The following MASP1 variants were observed in gnomAD, a reference collection of about 807,000 sequenced individuals.
MASP1 encodes MBL associated serine protease 1, also known as mannan-binding lectin serine protease 1.
Under a neutral mutation model 77.1 loss-of-function variants are expected in MASP1, and 59 were observed. The ratio of observed to expected loss-of-function variants is 0.77; its 90% confidence interval spans 0.62 to 0.95. The LOEUF (loss-of-function observed/expected upper bound fraction) is 0.95, where lower values mean the gene tolerates loss of function less well. MASP1 is among the 40% of genes least tolerant of loss of function. MASP1 has a pLI of 0.00. For missense variants in MASP1, 885 were observed against 912.9 expected (o/e 0.97, Z 0.39); for synonymous variants, 362 against 354.5 (o/e 1.02, Z -0.24).
chr3:187,217,695 G>A (rs1711844252), exon 16 of MASP1: 3 of 152,286 alleles, frequency 2.0e-5, no homozygotes, highest in Non-Finnish European at 1.5e-5. Flanking sequence ...TGAGAGATCT[G>A]GGTTTCTTGG....
intron 4 of MASP1, among the ~76,000 whole-genome samples, chr3:187,257,254 C>G (rs569986974): frequency 2.0e-5 from 3 of 152,286 alleles, no homozygotes; most frequent in East Asian, 1.9e-4. Flanking sequence ...CCTACAGGCC[C>G]TTGACACACA....
chr3:187,220,936 G>A (rs970913803), intron 15 of MASP1: 2 of 956,470 alleles, frequency 2.1e-6, no homozygotes, highest in Non-Finnish European at 3.4e-6. Flanking sequence ...CCCCCACACT[G>A]CCAGCCCACC....
intron 2 of MASP1, among the ~76,000 whole-genome samples, chr3:187,266,362 C>G (rs16861808): frequency 0.023 from 3,473 of 152,208 alleles, 64 homozygotes; most frequent in Non-Finnish European, 0.034. Flanking sequence ...GAATGTGACA[C>G]TTGGTAGAAG....
Position 187,246,239 on chromosome 3 carries a change from A to T in MASP1, c.1091-2618T>A, listed in dbSNP as rs1261274772. ...GGAACTCTTCACTCATGTTTCTTTG[A>T]TGGAATATATCTAATGTTGTCTGCA... On this transcript the variant is annotated intron_variant, in intron 8 of 10. Transcript: ENST00000296280. The T allele has an allele frequency of 1.9e-5, 6 of 316,558 alleles. No individual in the cohort carries two copies. In the East Asian group the frequency reaches 1.0e-3, roughly 55 times the overall value. 19.6% of individuals were successfully genotyped at this position (316,558 alleles called of 1,614,324 possible).
At chr3:187,255,286 C>T (rs756076647) in intron 5 of MASP1, among the ~76,000 whole-genome samples, 3 of 152,088 alleles carry the variant, frequency 2.0e-5, no homozygotes, top group Non-Finnish European at 2.9e-5. Context: ...TATCTGAGCG[C>T]AACTTCTAGA....
At position 187,234,948 on chromosome 3, in the gene MASP1, A is replaced by G. The variant is rs555315784; in HGVS notation, c.*736T>C. The G allele has an allele frequency of 2.8e-5, 36 of 1,287,246 alleles. No individual in the cohort carries two copies. In the South Asian group the frequency reaches 4.1e-4, roughly 15 times the overall value. 79.7% of individuals were successfully genotyped at this position (1,287,246 alleles called of 1,614,324 possible). A position where few individuals can be genotyped will look rare whatever the true frequency, so the allele number is the denominator to read the frequency against. On this transcript the variant is annotated 3_prime_UTR_variant, in exon 11 of 11. Coordinates refer to ENST00000296280, the MANE Select transcript of MASP1 (RefSeq NM_139125.4). Reference sequence around the variant, plus strand: ...GGCCCAAATGTGTTCTGAGTTGACAATGGGAATTTAAGGGCTTGGTGGGCC... The same window carrying G: ...GGCCCAAATGTGTTCTGAGTTGACAGTGGGAATTTAAGGGCTTGGTGGGCC...
Position 187,235,029 on chromosome 3 carries a change from G to A in MASP1, c.*655C>T. 1 of 1,287,244 alleles carries A rather than the reference G, an allele frequency of 7.8e-7. No homozygotes were observed. Among genetic ancestry groups the A allele is most frequent in the South Asian group, 1.2e-5 (1 of 80,936 alleles). The allele number at this position is 1,287,244 out of a possible 1,614,324, so 79.7% of individuals were successfully genotyped here. A position where few individuals can be genotyped will look rare whatever the true frequency, so the allele number is the denominator to read the frequency against. ...CACAAACCTTCCCAACTTTCTCCAT[G>A]TCTTTTGAAATTCCTTTAATGGGGA... On this transcript the variant is annotated 3_prime_UTR_variant, in exon 11 of 11. Coordinates refer to ENST00000296280, the MANE Select transcript of MASP1 (RefSeq NM_139125.4).
Position 187,243,536 on chromosome 3 carries a change from C to A in MASP1, c.1176G>T (p.Glu392Asp). The part of the protein sequence containing the change: ...TRNNLTTYKS[E>D]IKYSCQEPYY... ...AGGGCTCCTGACAGGAGTATTTGAT[C>A]TCAGACTTGTATGTGGTGAGGTTGT... is the stretch of plus-strand genomic sequence containing the variant. Residue 392 changes from glutamate to aspartate, a missense_variant, in exon 9 of 11, where the codon GAG becomes GAT. Coordinates refer to ENST00000296280, the MANE Select transcript of MASP1 (RefSeq NM_139125.4). The A allele has an allele frequency of 6.2e-7, 1 of 1,614,102 alleles. No individual in the cohort carries two copies. Among genetic ancestry groups the A allele is most frequent in the African/African-American group, 1.3e-5 (1 of 75,028 alleles).
exon 16 of MASP1, chr3:187,219,670 C>A: frequency 7.4e-6 from 2 of 269,014 alleles, no homozygotes; most frequent in South Asian, 4.4e-5. Flanking sequence ...CGACCTTCTG[C>A]TAAGGTGCAT....
intron 8 of MASP1, chr3:187,247,315 T>C: frequency 1.9e-6 from 3 of 1,614,068 alleles, no homozygotes; most frequent in Non-Finnish European, 2.5e-6. Context: ...ATGTCTGCAT[T>C]GTGTGGGGTC....
At chr3:187,266,497 G>T (rs1287446592) in intron 2 of MASP1, among the ~76,000 whole-genome samples, 1 of 152,126 alleles carries the variant, frequency 6.6e-6, no homozygotes, top group East Asian at 1.9e-4. Context: ...AGGGAAATCA[G>T]AAAACATTTA....
chr3:187,243,890 G>T (rs571673238), intron 8 of MASP1: 3 of 502,858 alleles, frequency 6.0e-6, no homozygotes, highest in East Asian at 7.5e-5. Flanking sequence ...GTAGGGGAAG[G>T]TCTACTGAGG....
In MASP1 at chr3:187,251,645, T is replaced by C. The variant is rs1714610004; in HGVS notation, c.1000A>G (p.Lys334Glu). 3.1e-6 allele frequency: 5 copies of C among 1,613,958 alleles called. No individual in the cohort carries two copies. In the South Asian group the frequency reaches 4.4e-5, roughly 14 times the overall value. The change falls in exon 7 of 11, where the codon AAA becomes GAA. Residue 334 changes from lysine (K) to glutamate (E), a missense_variant. Lys to Glu is a moderately conservative substitution (Grantham distance 56, BLOSUM62 1). Transcript: ENST00000296280. ...QVLVSCDTGY[K>E]VLKDNVEMDT... ...GCAAGGCTCTGCACCTTCAGCACTTTGTAGCCTGTGTCACAGCTGACGAGC... is the reference window on the plus strand; with the variant it reads ...GCAAGGCTCTGCACCTTCAGCACTTCGTAGCCTGTGTCACAGCTGACGAGC...
intron 15 of MASP1, among the ~76,000 whole-genome samples, chr3:187,220,566 C>T (rs1285819051): frequency 7.0e-6 from 1 of 142,552 alleles, no homozygotes; most frequent in Non-Finnish European, 1.5e-5. Context: ...GGCACGATCT[C>T]GGCTCACAGC....
At chr3:187,255,286 C>G (rs756076647) in intron 5 of MASP1, among the ~76,000 whole-genome samples, 2 of 152,088 alleles carry the variant, frequency 1.3e-5, no homozygotes, top group Admixed American at 6.5e-5. Flanking sequence ...TATCTGAGCG[C>G]AACTTCTAGA....
chr3:187,278,351 T>C (rs1717130350), intron 2 of MASP1, among the ~76,000 whole-genome samples: 1 of 152,118 alleles, frequency 6.6e-6, no homozygotes, highest in Non-Finnish European at 1.5e-5. Context: ...GAGGAAGACG[T>C]TGTATTCATT....
At chr3:187,259,582 G>C (rs922406676) in intron 4 of MASP1, among the ~76,000 whole-genome samples, 1 of 152,078 alleles carries the variant, frequency 6.6e-6, no homozygotes, top group Non-Finnish European at 1.5e-5. Flanking sequence ...ACCTTGCTCT[G>C]CCCTAAGCAT....
In MASP1 at chr3:187,272,082, G is replaced by A. The variant is rs1716573100; in HGVS notation, c.238-9362C>T. Reference sequence around the variant, plus strand: ...TTTGTGACTGTGAAGTCCAAGGAGTGAGTAGGTGGGTGTAAGTGGATGGCT... The same window carrying A: ...TTTGTGACTGTGAAGTCCAAGGAGTAAGTAGGTGGGTGTAAGTGGATGGCT... On this transcript the variant is annotated intron_variant, in intron 2 of 10. Transcript: ENST00000296280. Among the ~76,000 whole-genome samples, 3 of 152,306 alleles carry A rather than the reference G, an allele frequency of 2.0e-5. 1 individual carries two copies. The South Asian group carries it at 6.2e-4, about 32-fold the overall frequency.
At chr3:187,251,419 A>C (rs1714575504) in intron 7 of MASP1, 1 of 556,570 alleles carries the variant, frequency 1.8e-6, no homozygotes, top group Non-Finnish European at 3.2e-6. Context: ...GATTAAAAAA[A>C]AAAAAAAAAC....
Sources: gnomAD v4.1 joint callset for allele counts (sites outside exome capture counted in the v4.1 genomes callset) on GRCh38, gnomAD v4.1.1 for gene constraint, MANE v1.5 for transcripts, NCBI Gene and HGNC (gene_info 2026-07-23, HGNC 2026-07-21) for gene names.